Variants in KCNK1 observed in about 807,000 individuals in gnomAD.
KCNK1 encodes the protein potassium channel subfamily K member 1.
A neutral mutation model predicts 22.2 loss-of-function variants in KCNK1; 10 were observed. That is an observed-to-expected ratio of 0.45 (90% CI 0.28 to 0.76). The LOEUF is 0.76. Ranked by LOEUF, KCNK1 falls within the 30% of genes least tolerant of loss-of-function variation. The probability of loss-of-function intolerance (pLI) is 0.14; values close to 1 mark genes in which losing one functional copy is unlikely to be tolerated. For synonymous variants in KCNK1, 200 were observed against 186.4 expected, an observed-to-expected ratio of 1.07 and a Z score of -0.60; for missense variants, 378 against 421.0, an observed-to-expected ratio of 0.90 and a Z score of 0.89.
chr1:233,622,440 T>C (rs1191808184), intron 1 of KCNK1, among the ~76,000 whole-genome samples: 1 of 152,224 alleles, frequency 6.6e-6, no homozygotes, highest in Non-Finnish European at 1.5e-5. Context: ...GAGATAAAGG[T>C]TGTCACTTTA....
intron 1 of KCNK1, among the ~76,000 whole-genome samples, chr1:233,632,688 G>A: frequency 6.6e-6 from 1 of 152,108 alleles, no homozygotes. Flanking sequence ...CTGCATTGGT[G>A]CTTCTGCTGT....
chr1:233,636,107 C>T (rs1052212403), intron 1 of KCNK1, among the ~76,000 whole-genome samples: 5 of 152,088 alleles, frequency 3.3e-5, no homozygotes, highest in Non-Finnish European at 7.4e-5. Flanking sequence ...AGTGGGGAGT[C>T]GTAGCAGATG....
intron 1 of KCNK1, among the ~76,000 whole-genome samples, chr1:233,638,345 T>G (rs921673879): frequency 6.6e-6 from 1 of 151,774 alleles, no homozygotes; most frequent in African/African-American, 2.4e-5. Context: ...ATGGAAAAAA[T>G]TAAATTAGTT....
At chr1:233,656,834 T>C (rs781186819) in intron 1 of KCNK1, among the ~76,000 whole-genome samples, 5 of 152,092 alleles carry the variant, frequency 3.3e-5, no homozygotes, top group Non-Finnish European at 5.9e-5. Flanking sequence ...ACTAGGGTGA[T>C]CTTGAGCTCC....
intron 1 of KCNK1, among the ~76,000 whole-genome samples, chr1:233,662,105 C>G (rs1658403797): frequency 6.6e-6 from 1 of 152,178 alleles, no homozygotes; most frequent in African/African-American, 2.4e-5. Flanking sequence ...AATTAATAAG[C>G]TGAAGTCGAG....
At chr1:233,627,320 T>G (rs942603602) in intron 1 of KCNK1, among the ~76,000 whole-genome samples, 5 of 152,184 alleles carry the variant, frequency 3.3e-5, no homozygotes, top group Admixed American at 2.6e-4. Context: ...TAAACTAGAA[T>G]TAAAAGGTTA....
intron 1 of KCNK1, among the ~76,000 whole-genome samples, chr1:233,655,217 C>T (rs556962608): frequency 6.6e-6 from 1 of 152,294 alleles, no homozygotes; most frequent in Non-Finnish European, 1.5e-5. Flanking sequence ...TTCTTTCTTT[C>T]TATTCTTTTC....
intron 1 of KCNK1, among the ~76,000 whole-genome samples, chr1:233,632,907 T>TA (rs998908043): frequency 6.6e-6 from 1 of 152,132 alleles, no homozygotes; most frequent in African/African-American, 2.4e-5. Flanking sequence ...TCTTTTCATG[T>TA]AAAGACATTC....
At chr1:233,646,184 G>T (rs1390292928) in intron 1 of KCNK1, among the ~76,000 whole-genome samples, 1 of 152,158 alleles carries the variant, frequency 6.6e-6, no homozygotes, top group African/African-American at 2.4e-5. Flanking sequence ...TCAGAAAAGA[G>T]ATGAAGGTCA....
intron 1 of KCNK1, among the ~76,000 whole-genome samples, chr1:233,625,497 G>A (rs537237257): frequency 1.3e-5 from 2 of 152,070 alleles, no homozygotes; most frequent in Non-Finnish European, 2.9e-5. Context: ...GAGGATGAGG[G>A]GTGAGAGATA....
intron 1 of KCNK1, among the ~76,000 whole-genome samples, chr1:233,625,250 G>C (rs757028338): frequency 2.0e-5 from 3 of 152,120 alleles, no homozygotes; most frequent in Non-Finnish European, 4.4e-5. Flanking sequence ...GAATCTTCTC[G>C]GCCTCTCTGA....
chr1:233,633,459 G>T (rs1657840443), intron 1 of KCNK1, among the ~76,000 whole-genome samples: 1 of 151,918 alleles, frequency 6.6e-6, no homozygotes, highest in Non-Finnish European at 1.5e-5. Context: ...AGGATTCAAG[G>T]GATATTCTTG....
Position 233,671,655 on chromosome 1 carries a change from T to C in KCNK1, c.*125T>C. On this transcript the variant is annotated 3_prime_UTR_variant, in exon 3 of 3. Coordinates refer to ENST00000366621, the MANE Select transcript of KCNK1 (RefSeq NM_002245.4). ...GTCACTTTAAGAAATAGCTACTGTT[T>C]GCAATGTCTTATTAAAAAACAACAA... The C allele has an allele frequency of 9.1e-7, 1 of 1,103,256 alleles. No individual in the cohort carries two copies. Among genetic ancestry groups the C allele is most frequent in the Non-Finnish European group, 1.3e-6 (1 of 775,176 alleles). 68.3% of individuals were successfully genotyped at this position (1,103,256 alleles called of 1,614,324 possible). A position where few individuals can be genotyped will look rare whatever the true frequency, so the allele number is the denominator to read the frequency against.
chr1:233,643,896 C>T (rs190652391), intron 1 of KCNK1, among the ~76,000 whole-genome samples: 4 of 152,226 alleles, frequency 2.6e-5, no homozygotes, highest in South Asian at 4.2e-4. Flanking sequence ...AAAAATTACC[C>T]GGGGTCCCAC....
At chr1:233,638,388 CTT>C (rs1192565977) in intron 1 of KCNK1, among the ~76,000 whole-genome samples, 1 of 150,360 alleles carries the variant, frequency 6.7e-6, no homozygotes, top group African/African-American at 2.5e-5. Flanking sequence ...CCTTGTTTCT[CTT>C]GTTTTTTGAT....
Position 233,666,898 on chromosome 1 carries a change from T to G in KCNK1, c.659T>G (p.Phe220Cys). The change falls in exon 2 of 3, where the codon TTT becomes TGT. Residue 220 changes from phenylalanine to cysteine, a missense_variant. Transcript: ENST00000366621. ...TTCCTGGAATCCTTTTATTTTTGTT[T>G]TATTTCCCTGAGCACCATTGGCCTG... The part of the protein sequence containing the change: ...WNFLESFYFC[F>C]ISLSTIGLGD... The G allele has an allele frequency of 6.2e-7, 1 of 1,614,188 alleles. No individual in the cohort carries two copies. The highest frequency in any genetic ancestry group is 8.5e-7 in the Non-Finnish European group (1 of 1,180,032).
At chr1:233,650,216 G>A (rs751782321) in intron 1 of KCNK1, among the ~76,000 whole-genome samples, 10 of 152,154 alleles carry the variant, frequency 6.6e-5, no homozygotes, top group Non-Finnish European at 1.3e-4. Context: ...TTGCAATGAG[G>A]GGAGTAAGAA....
chr1:233,650,714 G>A (rs1294055474), intron 1 of KCNK1, among the ~76,000 whole-genome samples: 1 of 151,590 alleles, frequency 6.6e-6, no homozygotes, highest in African/African-American at 2.4e-5. Context: ...GGGAGACATA[G>A]CTAATAAGAA....
chr1:233,629,308 A>T (rs181212580), intron 1 of KCNK1, among the ~76,000 whole-genome samples: 2 of 152,212 alleles, frequency 1.3e-5, no homozygotes, highest in African/African-American at 2.4e-5. Flanking sequence ...GTGGTCAGGG[A>T]AGCTTTATGG....
Sources: allele counts gnomAD v4.1 joint callset (sites outside exome capture counted in the v4.1 genomes callset), GRCh38; gene constraint gnomAD v4.1.1; transcripts MANE v1.5; gene names NCBI Gene and HGNC (gene_info 2026-07-23, HGNC 2026-07-21).